Variants in ANKRD44 observed in about 807,000 individuals in gnomAD.
ANKRD44 encodes the protein ankyrin repeat domain 44.
A neutral mutation model predicts 116.0 loss-of-function variants in ANKRD44; 35 were observed. The observed-to-expected ratio is 0.30, with a 90% CI of 0.23 to 0.40. The LOEUF is 0.40. ANKRD44 is among the 10% of genes least tolerant of loss of function. The pLI is 1.00. For synonymous variants in ANKRD44, 435 were observed against 461.8 expected (o/e 0.94, Z 0.74); for missense variants, 1,014 against 1,242.6 (o/e 0.82, Z 2.77).
chr2:197,048,814 G>T (rs1021691707), intron 16 of ANKRD44, among the ~76,000 whole-genome samples: 5 of 151,912 alleles, frequency 3.3e-5, no homozygotes, highest in African/African-American at 1.2e-4. Context: ...GTGTAAAAGC[G>T]TTCCTATTTC....
At chr2:197,020,095 C>T (rs1283536201) in intron 17 of ANKRD44, among the ~76,000 whole-genome samples, 2 of 152,234 alleles carry the variant, frequency 1.3e-5, no homozygotes, top group Non-Finnish European at 2.9e-5. Context: ...AGATTACAGG[C>T]GTGAGCCACC....
intron 8 of ANKRD44, among the ~76,000 whole-genome samples, chr2:197,116,479 C>G (rs2078711155): frequency 1.3e-5 from 2 of 152,204 alleles, no homozygotes; most frequent in Admixed American, 1.3e-4. Flanking sequence ...CGACTTCAGC[C>G]TCACGCAAAG....
intron 1 of ANKRD44, among the ~76,000 whole-genome samples, chr2:197,254,745 C>T (rs913962989): frequency 2.1e-5 from 3 of 145,562 alleles, no homozygotes; most frequent in South Asian, 2.2e-4. Flanking sequence ...TATAGACACA[C>T]ATACATACAC....
rs534407428 is a variant in ANKRD44 at position 197,028,744 on chromosome 2, T to C, written c.1651-3477A>G. The C allele has an allele frequency of 5.8e-4, 108 of 185,262 alleles. 1 individual carries two copies. Among genetic ancestry groups the C allele is most frequent in the Non-Finnish European group, 9.5e-4 (88 of 92,404 alleles). 11.5% of individuals were successfully genotyped at this position (185,262 alleles called of 1,614,324 possible). ...CAGGATTATTTTCCTCTGTGGTAGC[T>C]TTCTTTTCTGCTGGTTTCTTTTAAG... On this transcript the variant is annotated intron_variant, in intron 16 of 27. Coordinates refer to ENST00000282272, the MANE Select transcript of ANKRD44 (RefSeq NM_001195144.2).
Position 196,998,338 on chromosome 2 carries a change from T to G in ANKRD44, c.2747A>C (p.Lys916Thr), listed in dbSNP as rs1210439991. ...AATATTTTAAATTCATTTACATACTTTACTACAAGCCAAATGTAAGGGTGT... is the reference window on the plus strand; with the variant it reads ...AATATTTTAAATTCATTTACATACTGTACTACAAGCCAAATGTAAGGGTGT... Reference protein sequence around the residue: ...LNTPLHLACSKGHEKCALLIL... With the variant: ...LNTPLHLACSTGHEKCALLIL... Residue 916 changes from lysine to threonine, a missense_variant and splice_region_variant, in exon 25 of 28, where the codon AAA (lysine) becomes ACA (threonine). Lys to Thr is a moderately conservative substitution (Grantham distance 78). Transcript: ENST00000282272. 1 of 1,608,992 alleles carries G rather than the reference T, an allele frequency of 6.2e-7. No individual in the cohort carries two copies. The highest frequency in any genetic ancestry group is 8.5e-7 in the Non-Finnish European group (1 of 1,175,686).
intron 3 of ANKRD44, among the ~76,000 whole-genome samples, chr2:197,144,886 G>A (rs976442042): frequency 2.6e-5 from 4 of 152,152 alleles, no homozygotes; most frequent in Non-Finnish European, 5.9e-5. Context: ...TCCCCTTTCA[G>A]ATGTAGAAAC....
chr2:197,170,915 C>T (rs1472039647), intron 2 of ANKRD44, among the ~76,000 whole-genome samples: 1 of 152,052 alleles, frequency 6.6e-6, no homozygotes. Context: ...GTGGAGATTC[C>T]CTGATGATGG....
At chr2:197,166,127 T>G (rs1281859256) in intron 2 of ANKRD44, among the ~76,000 whole-genome samples, 1 of 152,186 alleles carries the variant, frequency 6.6e-6, no homozygotes, top group African/African-American at 2.4e-5. Flanking sequence ...TGGAATATCT[T>G]TATTGGGGTA....
chr2:197,059,555 A>C (rs1249153165), intron 16 of ANKRD44, among the ~76,000 whole-genome samples: 2 of 152,224 alleles, frequency 1.3e-5, no homozygotes, highest in South Asian at 2.1e-4. Context: ...ACATTAAAAG[A>C]AGCAGCACAG....
At chr2:197,015,308 G>T in intron 17 of ANKRD44, 2 of 445,906 alleles carry the variant, frequency 4.5e-6, no homozygotes, top group South Asian at 4.0e-5. Context: ...AATAGAATTT[G>T]AGAGACCATT....
intron 17 of ANKRD44, chr2:197,015,849 T>C (rs2076381890): frequency 2.0e-6 from 1 of 501,700 alleles, no homozygotes; most frequent in Non-Finnish European, 3.8e-6. Flanking sequence ...GTGGTACCTG[T>C]GGTGGTGGTG....
chr2:197,227,783 A>G (rs1038674988), intron 1 of ANKRD44, among the ~76,000 whole-genome samples: 1 of 152,148 alleles, frequency 6.6e-6, no homozygotes, highest in Non-Finnish European at 1.5e-5. Flanking sequence ...TCTGGGCTTC[A>G]TTTTCCTCAT....
At chr2:197,016,470 G>C (rs1349445733) in intron 17 of ANKRD44, among the ~76,000 whole-genome samples, 1 of 152,106 alleles carries the variant, frequency 6.6e-6, no homozygotes, top group Admixed American at 6.5e-5. Context: ...GTTTCCTTGT[G>C]AGTTAACAAT....
At chr2:197,043,796 A>G (rs886510651) in intron 16 of ANKRD44, among the ~76,000 whole-genome samples, 1 of 152,082 alleles carries the variant, frequency 6.6e-6, no homozygotes, top group African/African-American at 2.4e-5. Flanking sequence ...CACATACTGT[A>G]TCATGGGTTC....
intron 16 of ANKRD44, chr2:197,028,994 T>C (rs992592907): frequency 1.3e-5 from 2 of 157,322 alleles, no homozygotes; most frequent in African/African-American, 4.8e-5. Flanking sequence ...ATTATTATTA[T>C]CATACTTTAA....
intron 10 of ANKRD44, among the ~76,000 whole-genome samples, chr2:197,092,023 T>C (rs1218349382): frequency 1.3e-5 from 2 of 152,080 alleles, no homozygotes; most frequent in South Asian, 2.1e-4. Flanking sequence ...CGGCAGCACT[T>C]TTTGCCTTCG....
At chr2:197,303,446 A>G (rs139448692) in intron 1 of ANKRD44, among the ~76,000 whole-genome samples, 1 of 152,368 alleles carries the variant, frequency 6.6e-6, no homozygotes, top group Admixed American at 6.5e-5. Context: ...TTTTTAAAAC[A>G]AACTAAAGCA....
intron 1 of ANKRD44, among the ~76,000 whole-genome samples, chr2:197,219,346 A>C (rs1228437724): frequency 6.6e-6 from 1 of 152,024 alleles, no homozygotes; most frequent in African/African-American, 2.4e-5. Context: ...GGGATTACAG[A>C]CATGAGCCAC....
chr2:197,112,707 C>CA (rs1178148585), intron 8 of ANKRD44, among the ~76,000 whole-genome samples: 21,911 of 79,094 alleles, frequency 0.28, 2,255 homozygotes, highest in Non-Finnish European at 0.34. Flanking sequence ...GACTCCGTCT[C>CA]AAAAAAAAAA....
Sources: allele counts gnomAD v4.1 joint callset (sites outside exome capture counted in the v4.1 genomes callset), GRCh38; gene constraint gnomAD v4.1.1; transcripts MANE v1.5; gene names NCBI Gene and HGNC (gene_info 2026-07-23, HGNC 2026-07-21).